FAT3: variants seen among roughly 807,000 people sequenced by gnomAD.
FAT3 encodes the protein protocadherin Fat 3.
FAT3 carries 95 observed loss-of-function variants against 310.2 expected under a neutral mutation model. The observed-to-expected ratio is 0.31, with a 90% CI of 0.26 to 0.36. FAT3 has a LOEUF of 0.36. Ranked by LOEUF, FAT3 falls within the 10% of genes least tolerant of loss-of-function variation. The pLI is 1.00. For missense variants in FAT3, 5,408 were observed against 5,715.6 expected (o/e 0.95, Z 1.74); for synonymous variants, 2,314 against 2,192.9 (o/e 1.06, Z -1.54).
chr11:92,394,692 T>C (rs1428830008), intron 2 of FAT3, among the ~76,000 whole-genome samples: 3 of 151,902 alleles, frequency 2.0e-5, no homozygotes, highest in African/African-American at 7.3e-5. Flanking sequence ...TTTATATATA[T>C]AACAAAAATT....
At chr11:92,233,472 T>A (rs1286757892) in intron 1 of FAT3, among the ~76,000 whole-genome samples, 1 of 152,220 alleles carries the variant, frequency 6.6e-6, no homozygotes, top group African/African-American at 2.4e-5. Context: ...GCTACTATTA[T>A]CTTGGACTAA....
At chr11:92,369,907 C>A (rs1031014508) in intron 2 of FAT3, among the ~76,000 whole-genome samples, 1 of 152,286 alleles carries the variant, frequency 6.6e-6, no homozygotes, top group South Asian at 2.1e-4. Flanking sequence ...GGTCTCACTG[C>A]TTTTTCGGAG....
At chr11:92,311,708 G>A (rs531837328) in intron 1 of FAT3, among the ~76,000 whole-genome samples, 1 of 152,070 alleles carries the variant, frequency 6.6e-6, no homozygotes, top group African/African-American at 2.4e-5. Flanking sequence ...CTTGACCTTG[G>A]CTCAAAGGTT....
At chr11:92,386,212 G>A (rs571777884) in intron 2 of FAT3, among the ~76,000 whole-genome samples, 2 of 152,260 alleles carry the variant, frequency 1.3e-5, no homozygotes, top group Non-Finnish European at 2.9e-5. Context: ...ATTATTTTGG[G>A]TCAACAACCA....
chr11:92,247,978 T>A (rs2134270215), intron 1 of FAT3, among the ~76,000 whole-genome samples: 1 of 152,064 alleles, frequency 6.6e-6, no homozygotes, highest in South Asian at 2.1e-4. Flanking sequence ...AGACCCTGTC[T>A]CAAAAAAAGC....
intron 3 of FAT3, among the ~76,000 whole-genome samples, chr11:92,621,530 T>C (rs1941087959): frequency 6.6e-6 from 1 of 152,230 alleles, no homozygotes; most frequent in Non-Finnish European, 1.5e-5. Context: ...ATGCTTGGCA[T>C]AAACTTCACT....
chr11:92,548,514 G>A (rs532648323), intron 3 of FAT3, among the ~76,000 whole-genome samples: 40 of 152,162 alleles, frequency 2.6e-4, no homozygotes, highest in Non-Finnish European at 4.9e-4. Context: ...AAATGATGTT[G>A]CTTAAACCTC....
intron 1 of FAT3, among the ~76,000 whole-genome samples, chr11:92,297,561 T>A (rs1257908956): frequency 6.6e-6 from 1 of 152,140 alleles, no homozygotes; most frequent in Non-Finnish European, 1.5e-5. Context: ...AAGAATATTT[T>A]GATGCCTTAA....
Position 92,844,124 on chromosome 11 carries a change from T to A in FAT3, c.10757T>A (p.Phe3586Tyr), listed in dbSNP as rs745596535. ...CAAGACATGTATGATGTGCTCACATTTGCCCTGAAATCGGAGCAGAAAAGC... is the reference window on the plus strand; with the variant it reads ...CAAGACATGTATGATGTGCTCACATATGCCCTGAAATCGGAGCAGAAAAGC... ...TDQDMYDVLT[F>Y]ALKSEQKSLF... The change falls in exon 19 of 28, where the codon TTT (phenylalanine) becomes TAT (tyrosine). Residue 3586 changes from phenylalanine (F) to tyrosine (Y), a missense_variant. Coordinates refer to ENST00000525166, the MANE Select transcript of FAT3 (RefSeq NM_001367949.2). The A allele has an allele frequency of 3.9e-5, 63 of 1,613,904 alleles. No homozygotes were observed. The highest frequency in any genetic ancestry group is 5.2e-5 in the Non-Finnish European group (61 of 1,179,908).
chr11:92,834,772 T>G (rs1421903996), intron 14 of FAT3, 98 bp from the exon 15 acceptor site: 10 of 1,084,254 alleles, frequency 9.2e-6, no homozygotes, highest in Non-Finnish European at 1.3e-5. Context: ...GTTTAAATTC[T>G]TGGCTGGAGA....
Position 92,412,720 on chromosome 11 carries a change from TATATATATATATATATATATATATAA to T in FAT3, c.3292+57322_3292+57347del, listed in dbSNP as rs1433950459. Among the ~76,000 whole-genome samples, 17 of 18,692 alleles carry T rather than the reference TATATATATATATATATATATATATAA, an allele frequency of 9.1e-4. 2 individuals carry two copies. The highest frequency in any genetic ancestry group is 5.8e-3 in the Admixed American group (8 of 1,370). The allele number at this position is 18,692 out of a possible 152,430, so 12.3% of individuals were successfully genotyped here. On this transcript the variant is annotated intron_variant, in intron 2 of 27. Coordinates refer to ENST00000525166, the MANE Select transcript of FAT3 (RefSeq NM_001367949.2). ...TGGTGGTGATATATATATATATATA[TATATATATATATATATATATATATAA>T]ATATACATACATATATATATATTTA...
intron 1 of FAT3, among the ~76,000 whole-genome samples, chr11:92,229,445 T>C (rs1350306012): frequency 6.6e-6 from 1 of 151,426 alleles, no homozygotes; most frequent in Non-Finnish European, 1.5e-5. Context: ...ATCTACTCCT[T>C]TAATAAGCTT....
Position 92,367,441 on chromosome 11 carries a change from A to T in FAT3, c.3292+12037A>T, listed in dbSNP as rs575103228. The stretch of plus-strand genomic sequence containing the variant: ...TGAGACCCTCTGTCTAAAAATAAAT[A>T]AATTAATTAAAAAATAAATAAAATA... On this transcript the variant is annotated intron_variant, in intron 2 of 27. Coordinates refer to ENST00000525166, the MANE Select transcript of FAT3 (RefSeq NM_001367949.2). Among the ~76,000 whole-genome samples the T allele has an allele frequency of 3.4e-3, 514 of 152,186 alleles. 5 individuals carry two copies. The highest frequency in any genetic ancestry group is 5.9e-3 in the Non-Finnish European group (399 of 68,022).
intron 2 of FAT3, among the ~76,000 whole-genome samples, chr11:92,516,676 A>C (rs1160331029): frequency 6.6e-6 from 1 of 152,144 alleles, no homozygotes; most frequent in Non-Finnish European, 1.5e-5. Context: ...GGATATTCAA[A>C]TAGGAAGAGA....
intron 2 of FAT3, among the ~76,000 whole-genome samples, chr11:92,412,768 T>TA (rs2134934618): frequency 8.9e-6 from 1 of 112,826 alleles, no homozygotes. Context: ...TATATATATA[T>TA]TTAATGTAAG....
At chr11:92,781,726 A>G (rs757383403) in intron 7 of FAT3, among the ~76,000 whole-genome samples, 1 of 152,242 alleles carries the variant, frequency 6.6e-6, no homozygotes, top group Non-Finnish European at 1.5e-5. Flanking sequence ...TTTCTTCAGC[A>G]TAAAGAGAAT....
At chr11:92,507,267 A>G (rs1240971711) in intron 2 of FAT3, among the ~76,000 whole-genome samples, 3 of 152,182 alleles carry the variant, frequency 2.0e-5, no homozygotes, top group African/African-American at 4.8e-5. Context: ...CAAGAAATCT[A>G]TAGAAGATGA....
Position 92,836,561 on chromosome 11 carries a change from T to A in FAT3, c.10087-5T>A, listed in dbSNP as rs773968064. 2 of 1,611,274 alleles carry A rather than the reference T, an allele frequency of 1.2e-6. No homozygotes were observed. Among genetic ancestry groups the A allele is most frequent in the South Asian group, 2.2e-5 (2 of 90,262 alleles). On this transcript the variant is annotated splice_region_variant and splice_polypyrimidine_tract_variant and intron_variant, in intron 15 of 27. Coordinates refer to ENST00000525166, the MANE Select transcript of FAT3 (RefSeq NM_001367949.2). ...TTTTCTTTGTTTTGCTTGTTTTCCA[T>A]GAAGCTAATAGCAGAAGATGTAGAC...
intron 22 of FAT3, among the ~76,000 whole-genome samples, chr11:92,874,273 A>G (rs1949470376): frequency 1.3e-5 from 2 of 152,226 alleles, no homozygotes; most frequent in East Asian, 1.9e-4. Context: ...GTGTTTTATA[A>G]CAACATATGG....
Sources: gnomAD v4.1 joint callset for allele counts (sites outside exome capture counted in the v4.1 genomes callset) on GRCh38, gnomAD v4.1.1 for gene constraint, MANE v1.5 for transcripts, NCBI Gene and HGNC (gene_info 2026-07-23, HGNC 2026-07-21) for gene names.